PHKB: variants seen among roughly 807,000 people sequenced by gnomAD.
PHKB encodes the protein phosphorylase b kinase regulatory subunit beta.
A neutral mutation model predicts 152.1 loss-of-function variants in PHKB; 122 were observed. The observed-to-expected ratio is 0.80, with a 90% CI of 0.69 to 0.93. The LOEUF is 0.93. Among genes scored for constraint, PHKB ranks in the 40% least tolerant of loss-of-function variants. PHKB has a pLI of 0.00. For missense variants in PHKB, 1,304 were observed against 1,328.4 expected (o/e 0.98, Z 0.29); for synonymous variants, 436 against 464.9 (o/e 0.94, Z 0.80).
chr16:47,663,333 T>C (rs1477334620), intron 23 of PHKB, among the ~76,000 whole-genome samples: 1 of 152,208 alleles, frequency 6.6e-6, no homozygotes, highest in East Asian at 1.9e-4. Context: ...ATTTGTTCAA[T>C]TGCTAATTAT....
chr16:47,696,966 G>A (rs1056006655), intron 29 of PHKB, among the ~76,000 whole-genome samples: 1 of 152,168 alleles, frequency 6.6e-6, no homozygotes, highest in Non-Finnish European at 1.5e-5. Context: ...TATTTTGAGG[G>A]ACATCTTTCT....
intron 1 of PHKB, among the ~76,000 whole-genome samples, chr16:47,476,352 A>G (rs545594151): frequency 2.0e-5 from 3 of 152,254 alleles, no homozygotes; most frequent in African/African-American, 4.8e-5. Context: ...TTCTGTGCCC[A>G]TTCAGAGATC....
At chr16:47,480,632 G>A (rs1969948022) in intron 1 of PHKB, among the ~76,000 whole-genome samples, 1 of 152,132 alleles carries the variant, frequency 6.6e-6, no homozygotes, top group Admixed American at 6.6e-5. Context: ...AAGTAGTTTA[G>A]TTTCATTTGC....
intron 6 of PHKB, among the ~76,000 whole-genome samples, chr16:47,540,675 C>T (rs1438994352): frequency 6.6e-6 from 1 of 151,832 alleles, no homozygotes. Flanking sequence ...GGGACGGGTT[C>T]CCCCAATAAA....
At chr16:47,466,880 T>C (rs1223985377) in intron 1 of PHKB, among the ~76,000 whole-genome samples, 4 of 152,124 alleles carry the variant, frequency 2.6e-5, no homozygotes, top group African/African-American at 9.7e-5. Flanking sequence ...CTCTTGTGGG[T>C]TGTGGCCTCC....
intron 20 of PHKB, among the ~76,000 whole-genome samples, chr16:47,654,791 A>G (rs1597154024): frequency 9.9e-6 from 1 of 100,572 alleles, no homozygotes; most frequent in Non-Finnish European, 1.9e-5. Flanking sequence ...ATCACACACC[A>G]GGGCCTGTTG....
At chr16:47,461,645 CTA>C (rs1969559939) in intron 1 of PHKB, among the ~76,000 whole-genome samples, 1 of 152,226 alleles carries the variant, frequency 6.6e-6, no homozygotes, top group African/African-American at 2.4e-5. Context: ...GCCCCCGACT[CTA>C]TTCCGCTTGT....
chr16:47,488,503 G>T (rs1469930778), intron 1 of PHKB, among the ~76,000 whole-genome samples: 1 of 152,020 alleles, frequency 6.6e-6, no homozygotes, highest in African/African-American at 2.4e-5. Flanking sequence ...TGGATTCTTT[G>T]TTATAAATCT....
At chr16:47,694,342 A>G (rs1178692509) in intron 28 of PHKB, among the ~76,000 whole-genome samples, 1 of 152,220 alleles carries the variant, frequency 6.6e-6, no homozygotes, top group East Asian at 1.9e-4. Context: ...TGAAATCTCA[A>G]CCAAATAAAT....
At chr16:47,478,217 G>C (rs1217792563) in intron 1 of PHKB, among the ~76,000 whole-genome samples, 2 of 152,032 alleles carry the variant, frequency 1.3e-5, no homozygotes, top group Non-Finnish European at 2.9e-5. Flanking sequence ...TTATTCTTGT[G>C]AACTGCAGTT....
intron 28 of PHKB, 87 bp downstream of exon 28, chr16:47,693,594 C>T: frequency 7.3e-7 from 1 of 1,364,402 alleles, no homozygotes; most frequent in Non-Finnish European, 1.0e-6. Flanking sequence ...TAACTTTTCT[C>T]CTTTTCAGCG....
chr16:47,472,313 C>T (rs1196619982), intron 1 of PHKB, among the ~76,000 whole-genome samples: 1 of 152,128 alleles, frequency 6.6e-6, no homozygotes, highest in Non-Finnish European at 1.5e-5. Flanking sequence ...GCAATTAAGA[C>T]ATATCTTTTA....
rs183063579 is a variant in PHKB, at chr16:47,468,563, G to A, written c.76+7137G>A. Among the ~76,000 whole-genome samples, 29 of 152,366 alleles carry A rather than the reference G, an allele frequency of 1.9e-4. No individual in the cohort carries two copies. In the East Asian group the frequency reaches 4.4e-3, roughly 23 times the overall value. On this transcript the variant is annotated intron_variant, in intron 1 of 30. Coordinates refer to ENST00000323584, the MANE Select transcript of PHKB (RefSeq NM_000293.3). ...AGCTACTCGGGAAGCTGAGACAGAA[G>A]AATCGCTTGAACCCAGGAGGTGGAG... is the stretch of plus-strand genomic sequence containing the variant.
rs529000960 is a variant in PHKB, at chr16:47,698,231, A to C, written c.3004-217A>C. On this transcript the variant is annotated intron_variant, in intron 29 of 30. Transcript: ENST00000323584. The stretch of plus-strand genomic sequence containing the variant: ...ACGGTTTTATTTAACTGATGAAAAA[A>C]CATTTCTAGGGATACACACAATGAA... Among the ~76,000 whole-genome samples, 51 of 152,334 alleles carry C rather than the reference A, an allele frequency of 3.3e-4. 1 individual carries two copies. The highest frequency in any genetic ancestry group is 1.2e-3 in the African/African-American group (48 of 41,574).
chr16:47,560,883 G>A lies in PHKB; in HGVS notation c.710+13335G>A, dbSNP rs115414064. Among the ~76,000 whole-genome samples the A allele has an allele frequency of 1.5e-3, 231 of 152,132 alleles. 2 individuals carry two copies. Among genetic ancestry groups the A allele is most frequent in the African/African-American group, 5.3e-3 (222 of 41,508 alleles). ...AGTAATAATATGTTATGATAGGGATGGAAAGATAGAAGATATATTTTGTGG... is the reference window on the plus strand; with the variant it reads ...AGTAATAATATGTTATGATAGGGATAGAAAGATAGAAGATATATTTTGTGG... On this transcript the variant is annotated intron_variant, in intron 7 of 30. Transcript: ENST00000323584.
chr16:47,598,834 G>A (rs1972169306), intron 13 of PHKB: 5 of 1,605,014 alleles, frequency 3.1e-6, no homozygotes, highest in African/African-American at 1.3e-5. Context: ...TTTAACCATA[G>A]CCAGCTTCTC....
At chr16:47,473,572 AAG>A in intron 1 of PHKB, among the ~76,000 whole-genome samples, 1 of 152,238 alleles carries the variant, frequency 6.6e-6, no homozygotes, top group South Asian at 2.1e-4. Flanking sequence ...TCCATTAAAA[AAG>A]AATTATTCTT....
chr16:47,679,574 C>G (rs1421417378), intron 26 of PHKB, among the ~76,000 whole-genome samples: 1 of 152,116 alleles, frequency 6.6e-6, no homozygotes, highest in East Asian at 1.9e-4. Flanking sequence ...CTCTGTTTGT[C>G]TGTTATTGGT....
At chr16:47,485,158 A>G (rs560214917) in intron 1 of PHKB, among the ~76,000 whole-genome samples, 2 of 152,346 alleles carry the variant, frequency 1.3e-5, no homozygotes, top group African/African-American at 2.4e-5. Context: ...CTGTCTTAAC[A>G]TACTTCATTG....
Sources: allele counts gnomAD v4.1 joint callset (sites outside exome capture counted in the v4.1 genomes callset), GRCh38; gene constraint gnomAD v4.1.1; transcripts MANE v1.5; gene names NCBI Gene and HGNC (gene_info 2026-07-23, HGNC 2026-07-21).